SMG9: variants seen among roughly 807,000 people sequenced by gnomAD.
SMG9 encodes the protein SMG9 nonsense mediated mRNA decay factor.
Under a neutral mutation model 64.0 loss-of-function variants are expected in SMG9, and 55 were observed. The observed-to-expected ratio is 0.86, with a 90% CI of 0.69 to 1.08. The LOEUF (loss-of-function observed/expected upper bound fraction) is 1.08. Among genes scored for constraint, SMG9 ranks in the 50% least tolerant of loss-of-function variants. SMG9 has a pLI of 0.00. For missense variants in SMG9, 554 were observed against 681.3 expected (o/e 0.81, Z 2.08); for synonymous variants, 244 against 254.8 (o/e 0.96, Z 0.41).
At chr19:43,746,542 C>A (rs1276085813) in intron 5 of SMG9, among the ~76,000 whole-genome samples, 1 of 152,004 alleles carries the variant, frequency 6.6e-6, no homozygotes, top group Admixed American at 6.6e-5. Flanking sequence ...ACAGAAGTGG[C>A]AGGGGCAAGG....
In SMG9 at chr19:43,738,103, C is replaced by A. The variant is rs369501844; in HGVS notation, c.909+19G>T. On this transcript the variant is annotated intron_variant, in intron 8 of 13. Transcript: ENST00000270066. ...GGGGATGTAAAACCTCAGTCCTGGG[C>A]CTGGCTTGGCTCCCTCACCTGCATT... is the stretch of plus-strand genomic sequence containing the variant. 14 of 1,610,264 alleles carry A rather than the reference C, an allele frequency of 8.7e-6. No individual in the cohort carries two copies. In the African/African-American group the frequency reaches 1.9e-4, roughly 22 times the overall value.
chr19:43,754,819 C>T lies in SMG9; in HGVS notation c.-172G>A, dbSNP rs950129722. On this transcript the variant is annotated 5_prime_UTR_variant, in exon 1 of 14. Coordinates refer to ENST00000270066, the MANE Select transcript of SMG9 (RefSeq NM_019108.4). ...GGGCACTCCCCACTCCGAAACCGGC[C>T]TCGGCGTCCGGGTTGCAGCCCCTAA... 6.6e-5 allele frequency: 10 copies of T among 152,352 alleles called. No homozygotes were observed. The highest frequency in any genetic ancestry group is 1.2e-4 in the Non-Finnish European group (8 of 68,132). 9.4% of individuals were successfully genotyped at this position (152,352 alleles called of 1,614,324 possible). A position where few individuals can be genotyped will look rare whatever the true frequency, so the allele number is the denominator to read the frequency against.
chr19:43,743,278 T>C (rs1968897498), intron 6 of SMG9, among the ~76,000 whole-genome samples: 1 of 152,114 alleles, frequency 6.6e-6, no homozygotes, highest in African/African-American at 2.4e-5. Flanking sequence ...AAGAATGTTA[T>C]CTAAGACCTG....
rs185238356 is a variant in SMG9, at chr19:43,731,848, G to A, written c.1485-174C>T. The stretch of plus-strand genomic sequence containing the variant: ...AGGGAGGATCCTAACAGTGATGGGA[G>A]GTGGCCCAACTTTTCTTAGCTCACC... On this transcript the variant is annotated intron_variant, in intron 13 of 13. Transcript: ENST00000270066. Among the ~76,000 whole-genome samples, 680 of 152,336 alleles carry A rather than the reference G, an allele frequency of 4.5e-3. 2 individuals are homozygous for A. The highest frequency in any genetic ancestry group is 8.7e-3 in the Admixed American group (133 of 15,300).
At chr19:43,753,241 G>A (rs1269772909) in intron 1 of SMG9, among the ~76,000 whole-genome samples, 2 of 152,088 alleles carry the variant, frequency 1.3e-5, no homozygotes, top group African/African-American at 2.4e-5. Flanking sequence ...ATACCGAAAT[G>A]ACTGCTTAGT....
At chr19:43,752,696 G>T (rs1030536495) in intron 1 of SMG9, among the ~76,000 whole-genome samples, 1 of 152,054 alleles carries the variant, frequency 6.6e-6, no homozygotes, top group Non-Finnish European at 1.5e-5. Flanking sequence ...CCAGGAGTTC[G>T]AGACCAGCTT....
intron 6 of SMG9, 54 bp from the exon 7 acceptor site, chr19:43,740,272 T>C (rs1175477875): frequency 1.2e-5 from 15 of 1,282,424 alleles, no homozygotes; most frequent in East Asian, 2.3e-5. Context: ...CAGCCTTGGA[T>C]GCATCCGAAG....
intron 10 of SMG9, chr19:43,733,984 TGAA>T (rs1402778494): frequency 1.9e-5 from 11 of 570,522 alleles, no homozygotes; most frequent in Non-Finnish European, 3.1e-5. Context: ...ACTGGGTCTT[TGAA>T]GAAGAGTAGA....
At chr19:43,753,620 C>T (rs1209323278) in intron 1 of SMG9, among the ~76,000 whole-genome samples, 1 of 151,886 alleles carries the variant, frequency 6.6e-6, no homozygotes, top group Non-Finnish European at 1.5e-5. Flanking sequence ...ACCACCAGGC[C>T]GGGCTAAGTT....
rs1968465551 is a variant in SMG9, at chr19:43,731,028, A to T, written c.*568T>A. The T allele has an allele frequency of 2.6e-6, 2 of 755,912 alleles. No homozygotes were observed. Among genetic ancestry groups the T allele is most frequent in the African/African-American group, 3.8e-5 (2 of 52,600 alleles). 46.8% of individuals were successfully genotyped at this position (755,912 alleles called of 1,614,324 possible). ...TTGATGCCACCCCAGGAAACAGAATAACCCCTTCTAGGGACTTCTTAGCAG... is the reference window on the plus strand; with the variant it reads ...TTGATGCCACCCCAGGAAACAGAATTACCCCTTCTAGGGACTTCTTAGCAG... On this transcript the variant is annotated 3_prime_UTR_variant, in exon 14 of 14. Coordinates refer to ENST00000270066, the MANE Select transcript of SMG9 (RefSeq NM_019108.4).
At chr19:43,736,547 C>T (rs896230357) in intron 9 of SMG9, among the ~76,000 whole-genome samples, 3 of 152,190 alleles carry the variant, frequency 2.0e-5, no homozygotes, top group Non-Finnish European at 4.4e-5. Context: ...CAGGTCCTGC[C>T]TCCCTGAGTA....
chr19:43,739,314 T>G (rs1027930357), intron 7 of SMG9, among the ~76,000 whole-genome samples: 3 of 152,220 alleles, frequency 2.0e-5, no homozygotes, highest in Non-Finnish European at 4.4e-5. Flanking sequence ...AGGACTTTAC[T>G]TGCATCGATG....
chr19:43,748,964 C>T lies in SMG9; in HGVS notation c.151-912G>A, dbSNP rs184103879. The stretch of plus-strand genomic sequence containing the variant: ...GGGGGAGATGATACAGGCTGAGTAT[C>T]TCTTATCTCAGATGCCTGGGACCAG... On this transcript the variant is annotated intron_variant, in intron 2 of 13. Coordinates refer to ENST00000270066, the MANE Select transcript of SMG9 (RefSeq NM_019108.4). 3.7e-3 allele frequency among the ~76,000 whole-genome samples: 557 copies of T among 152,302 alleles called. 1 individual carries two copies. Among genetic ancestry groups the T allele is most frequent in the African/African-American group, 0.013 (529 of 41,558 alleles).
intron 2 of SMG9, 129 bp from the exon 3 acceptor site, chr19:43,748,181 G>A (rs1384355524): frequency 9.0e-7 from 1 of 1,111,600 alleles, no homozygotes; most frequent in Non-Finnish European, 1.2e-6. Context: ...CTGTGAGATA[G>A]ATACTATTAT....
At position 43,728,955 on chromosome 19, in the gene SMG9, C is replaced by A; in HGVS notation, c.*2641G>T. 4.1e-6 allele frequency: 4 copies of A among 985,396 alleles called. No homozygotes were observed. The highest frequency in any genetic ancestry group is 4.8e-6 in the Non-Finnish European group (4 of 829,844). 61.0% of individuals were successfully genotyped at this position (985,396 alleles called of 1,614,324 possible). ...AGGCATTCCTGGTGGCCAGGCCCAT[C>A]TTGCAGCCCATCCTAGAGCAGAAGG... is the stretch of plus-strand genomic sequence containing the variant. On this transcript the variant is annotated 3_prime_UTR_variant, in exon 14 of 14. Transcript: ENST00000270066.
chr19:43,750,650 A>T lies in SMG9; in HGVS notation c.92T>A (p.Leu31His). The T allele has an allele frequency of 1.2e-6, 2 of 1,613,914 alleles. No homozygotes were observed. The highest frequency in any genetic ancestry group is 1.7e-4 in the Middle Eastern group (1 of 6,060). ...KEPGSGGPQN[L>H]SGPGGRERDY... ...CCTCTCCCGACCACCAGGCCCAGAG[A>T]GATTCTGGGGGCCACCAGAGCCAGG... Residue 31 changes from leucine (L) to histidine (H), a missense_variant, in exon 2 of 14, where the codon CTC becomes CAC. By Grantham distance (99) the Leu-to-His change is moderately conservative. Coordinates refer to ENST00000270066, the MANE Select transcript of SMG9 (RefSeq NM_019108.4).
rs1312954723 is a variant in SMG9 at position 43,750,604 on chromosome 19, T to C, written c.138A>G (p.Glu46=). ...GRERDYIAPW[E]RERRDASEET... ...TCCAGACACTCACCCTTCTCTCTCT[T>C]TCCCATGGTGCAATGTAGTCCCTCT... The change falls in exon 2 of 14, where the codon GAA becomes GAG. Residue 46 remains glutamate (E), a synonymous_variant. Coordinates refer to ENST00000270066, the MANE Select transcript of SMG9 (RefSeq NM_019108.4). The C allele has an allele frequency of 1.1e-5, 17 of 1,611,840 alleles. No homozygotes were observed. The highest frequency in any genetic ancestry group is 1.2e-5 in the Non-Finnish European group (14 of 1,178,966).
chr19:43,742,125 G>A (rs1201852823), intron 6 of SMG9, among the ~76,000 whole-genome samples: 1 of 152,160 alleles, frequency 6.6e-6, no homozygotes, highest in Non-Finnish European at 1.5e-5. Context: ...TCCACCCTGG[G>A]TGACAAAGCG....
At chr19:43,748,757 G>A (rs1969105192) in intron 2 of SMG9, 4 of 520,174 alleles carry the variant, frequency 7.7e-6, no homozygotes, top group Middle Eastern at 3.2e-4. Flanking sequence ...CCTCATGAGA[G>A]TCTTGACCCC....
Sources: gnomAD v4.1 joint callset for allele counts (sites outside exome capture counted in the v4.1 genomes callset) on GRCh38, gnomAD v4.1.1 for gene constraint, MANE v1.5 for transcripts, NCBI Gene and HGNC (gene_info 2026-07-23, HGNC 2026-07-21) for gene names.